AHI1: variants seen among roughly 807,000 people sequenced by gnomAD.
AHI1 encodes Abelson helper integration site 1, also known as jouberin.
A neutral mutation model predicts 149.3 loss-of-function variants in AHI1; 123 were observed. That is an observed-to-expected ratio of 0.82 (90% confidence interval 0.71 to 0.96). The LOEUF (loss-of-function observed/expected upper bound fraction) is 0.96, where lower values mean the gene tolerates loss of function less well. Among genes scored for constraint, AHI1 ranks in the 40% least tolerant of loss-of-function variants. AHI1 has a pLI of 0.00. For synonymous variants in AHI1, 475 were observed against 459.8 expected, an observed-to-expected ratio of 1.03 and a Z score of -0.42; for missense variants, 1,439 against 1,422.7, an observed-to-expected ratio of 1.01 and a Z score of -0.18.
At chr6:135,420,987 C>T (rs1783069378) in intron 20 of AHI1, among the ~76,000 whole-genome samples, 1 of 152,112 alleles carries the variant, frequency 6.6e-6, no homozygotes, top group Non-Finnish European at 1.5e-5. Context: ...TAAAAGGCCA[C>T]TGCAGGGTTA....
chr6:135,476,160 T>C (rs1408679119), intron 5 of AHI1, among the ~76,000 whole-genome samples: 2 of 152,196 alleles, frequency 1.3e-5, no homozygotes, highest in Non-Finnish European at 2.9e-5. Flanking sequence ...ATTTCATTTT[T>C]AGTTAGTTCA....
chr6:135,423,488 T>C (rs1487785003), intron 20 of AHI1, among the ~76,000 whole-genome samples: 1 of 152,168 alleles, frequency 6.6e-6, no homozygotes, highest in Non-Finnish European at 1.5e-5. Context: ...TGTGCCACAA[T>C]ATAAAAAATA....
chr6:135,290,417 C>T lies in AHI1; in HGVS notation c.3588+6G>A, dbSNP rs1782193720. 6.7e-7 allele frequency: 1 copy of T among 1,496,058 alleles called. No homozygotes were observed. The highest frequency in any genetic ancestry group is 9.3e-7 in the Non-Finnish European group (1 of 1,072,694). 92.7% of individuals were successfully genotyped at this position (1,496,058 alleles called of 1,614,324 possible). On this transcript the variant is annotated splice_donor_region_variant and intron_variant, in intron 28 of 28. Transcript: ENST00000265602. ...TAGCGCAACTTTCTATTGGTTTTCCCCTTACCTCTATTAGAGTGACTTTTC... is the reference window on the plus strand; with the variant it reads ...TAGCGCAACTTTCTATTGGTTTTCCTCTTACCTCTATTAGAGTGACTTTTC...
intron 27 of AHI1, among the ~76,000 whole-genome samples, chr6:135,297,759 C>G (rs979019650): frequency 2.0e-5 from 3 of 151,366 alleles, no homozygotes; most frequent in Non-Finnish European, 4.4e-5. Context: ...TGGCAAGTAG[C>G]AGGATTATTT....
intron 22 of AHI1, among the ~76,000 whole-genome samples, chr6:135,404,409 C>T (rs1780458948): frequency 6.6e-6 from 1 of 152,160 alleles, no homozygotes; most frequent in Non-Finnish European, 1.5e-5. Context: ...AATCACTCAA[C>T]CTGAATAAAC....
chr6:135,320,521 C>T (rs969205758), intron 25 of AHI1, among the ~76,000 whole-genome samples: 5 of 152,138 alleles, frequency 3.3e-5, no homozygotes, highest in Non-Finnish European at 5.9e-5. Flanking sequence ...AAACTCTTGG[C>T]GTCAAGTGAT....
At chr6:135,436,316 T>C (rs963659728) in intron 15 of AHI1, among the ~76,000 whole-genome samples, 1 of 152,126 alleles carries the variant, frequency 6.6e-6, no homozygotes, top group Non-Finnish European at 1.5e-5. Flanking sequence ...CAATGAAAAC[T>C]ATGAATTCAA....
intron 8 of AHI1, among the ~76,000 whole-genome samples, chr6:135,460,746 T>C (rs890914250): frequency 6.6e-6 from 1 of 152,164 alleles, no homozygotes; most frequent in Admixed American, 6.5e-5. Context: ...TTTAAAAGAA[T>C]AGAGACTACA....
rs17064519 is a variant in AHI1, at chr6:135,447,287, T to C, written c.1627-127A>G. On this transcript the variant is annotated intron_variant, in intron 12 of 28. Transcript: ENST00000265602. ...TTTCAAAATGTAATCCAGAAAAAAA[T>C]TCTACTTTTATTTGTACATTATTCT... The C allele has an allele frequency of 3.6e-3, 2,491 of 684,586 alleles. 58 individuals carry two copies. In the African/African-American group the frequency reaches 0.042, roughly 12 times the overall value. 42.4% of individuals were successfully genotyped at this position (684,586 alleles called of 1,614,324 possible). A position where few individuals can be genotyped will look rare whatever the true frequency, so the allele number is the denominator to read the frequency against.
chr6:135,368,317 GGT>G lies in AHI1; in HGVS notation c.3110-10132_3110-10131del, dbSNP rs1774491834. On this transcript the variant is annotated intron_variant, in intron 23 of 28. Coordinates refer to ENST00000265602, the MANE Select transcript of AHI1 (RefSeq NM_001134831.2). The stretch of plus-strand genomic sequence containing the variant: ...TTAGTGTGCTGGTTTTGTGTTGGTT[GGT>G]TTCCAGCCAGAAGGTGGTGCTTTCA... Among the ~76,000 whole-genome samples, 12 of 152,262 alleles carry G rather than the reference GGT, an allele frequency of 7.9e-5. No individual in the cohort carries two copies. In the South Asian group the frequency reaches 2.3e-3, roughly 29 times the overall value.
At chr6:135,472,705 T>C (rs1384731382) in intron 5 of AHI1, among the ~76,000 whole-genome samples, 1 of 152,202 alleles carries the variant, frequency 6.6e-6, no homozygotes, top group Non-Finnish European at 1.5e-5. Flanking sequence ...TGTGCAATAG[T>C]ACCTCAGTAT....
At chr6:135,450,061 A>C (rs2128063102) in intron 11 of AHI1, among the ~76,000 whole-genome samples, 1 of 152,308 alleles carries the variant, frequency 6.6e-6, no homozygotes, top group Non-Finnish European at 1.5e-5. Flanking sequence ...GAATTTACAA[A>C]TCTGAAGCAC....
chr6:135,311,865 G>C (rs1357285769), intron 26 of AHI1, among the ~76,000 whole-genome samples: 1 of 152,170 alleles, frequency 6.6e-6, no homozygotes, highest in African/African-American at 2.4e-5. Flanking sequence ...GGTATAAGTT[G>C]TTACTGATTT....
chr6:135,307,076 A>T (rs1784609042), intron 26 of AHI1: 1 of 152,218 alleles, frequency 6.6e-6, no homozygotes, highest in African/African-American at 2.4e-5. Flanking sequence ...AAACGCCTAT[A>T]GCAATGGGGA....
At chr6:135,383,221 C>T (rs899958036) in intron 23 of AHI1, among the ~76,000 whole-genome samples, 3 of 71,568 alleles carry the variant, frequency 4.2e-5, no homozygotes, top group East Asian at 7.9e-4. Flanking sequence ...TTCCTTCCCC[C>T]CTCCCTTTTT....
chr6:135,349,813 A>AT (rs143991110), intron 24 of AHI1, among the ~76,000 whole-genome samples: 1 of 152,282 alleles, frequency 6.6e-6, no homozygotes, highest in Non-Finnish European at 1.5e-5. Context: ...TTTAAGATCA[A>AT]TTTTTTCAAC....
intron 24 of AHI1, among the ~76,000 whole-genome samples, chr6:135,350,626 T>A (rs1791940640): frequency 1.3e-5 from 2 of 151,656 alleles, no homozygotes; most frequent in Admixed American, 6.6e-5. Context: ...AAAAAGAAAG[T>A]GTAATAATAA....
chr6:135,300,315 ACT>A (rs1783692831), intron 27 of AHI1, among the ~76,000 whole-genome samples, 183 bp downstream of exon 27: 2 of 145,574 alleles, frequency 1.4e-5, no homozygotes, highest in Non-Finnish European at 3.0e-5. Flanking sequence ...ACACAGCAAG[ACT>A]CTGTCTCCAA....
chr6:135,482,298 G>C (rs1455156932), intron 5 of AHI1, among the ~76,000 whole-genome samples: 1 of 152,094 alleles, frequency 6.6e-6, no homozygotes, highest in Non-Finnish European at 1.5e-5. Flanking sequence ...AGTAAGGATA[G>C]GGCAGTATAA....
Sources: allele counts gnomAD v4.1 joint callset (sites outside exome capture counted in the v4.1 genomes callset), GRCh38; gene constraint gnomAD v4.1.1; transcripts MANE v1.5; gene names NCBI Gene and HGNC (gene_info 2026-07-23, HGNC 2026-07-21).